The following TRPM1 variants were observed in gnomAD, a reference collection of about 807,000 sequenced individuals.
TRPM1 encodes transient receptor potential cation channel subfamily M member 1, also known as TRPM1-203 APA Isoform, Intron 10.
Under a neutral mutation model 149.4 loss-of-function variants are expected in TRPM1, and 113 were observed. That is an observed-to-expected ratio of 0.76 (90% CI 0.65 to 0.88). TRPM1 has a LOEUF of 0.88. Ranked by LOEUF, TRPM1 falls within the 40% of genes least tolerant of loss-of-function variation. The pLI, the probability that TRPM1 is intolerant of heterozygous loss-of-function variation, is 0.00. For missense variants in TRPM1, 1,976 were observed against 2,038.7 expected, an observed-to-expected ratio of 0.97 and a Z score of 0.59; for synonymous variants, 741 against 759.5, an observed-to-expected ratio of 0.98 and a Z score of 0.40.
At chr15:31,030,871 G>T in intron 23 of TRPM1, 112 bp downstream of exon 23, 1 of 1,239,138 alleles carries the variant, frequency 8.1e-7, no homozygotes, top group Non-Finnish European at 1.2e-6. Context: ...GCCTATGGTG[G>T]AGTGACAAAT....
chr15:31,019,968 C>T (rs1231168700), intron 27 of TRPM1, among the ~76,000 whole-genome samples: 1 of 152,100 alleles, frequency 6.6e-6, no homozygotes, highest in Non-Finnish European at 1.5e-5. Context: ...TGCTCCCGGC[C>T]AAGACTCATG....
At chr15:31,112,870 C>T (rs746212598) in intron 1 of TRPM1, among the ~76,000 whole-genome samples, 1 of 152,156 alleles carries the variant, frequency 6.6e-6, no homozygotes, top group Non-Finnish European at 1.5e-5. Context: ...TTCTTGTAAC[C>T]CAGCATTCCT....
chr15:31,129,609 A>G (rs1354349327), intron 1 of TRPM1, among the ~76,000 whole-genome samples: 2 of 152,246 alleles, frequency 1.3e-5, no homozygotes, highest in East Asian at 3.8e-4. Flanking sequence ...ACCATTGCTT[A>G]GAATGGTCTT....
intron 22 of TRPM1, among the ~76,000 whole-genome samples, chr15:31,032,299 A>G (rs1485980033): frequency 3.9e-5 from 6 of 152,146 alleles, no homozygotes; most frequent in Non-Finnish European, 8.8e-5. Context: ...GGAATAAAAA[A>G]CAAACGTAAT....
At chr15:31,047,506 C>G (rs2033812080) in intron 14 of TRPM1, among the ~76,000 whole-genome samples, 2 of 152,238 alleles carry the variant, frequency 1.3e-5, no homozygotes, top group African/African-American at 4.8e-5. Flanking sequence ...GCCGGTGCTT[C>G]TGGAAAGAGC....
chr15:31,089,084 TAAA>T (rs1045403944), intron 1 of TRPM1, among the ~76,000 whole-genome samples: 5 of 152,208 alleles, frequency 3.3e-5, no homozygotes, highest in African/African-American at 7.2e-5. Context: ...GCCATATTTT[TAAA>T]AAACAAAAAT....
At chr15:31,112,641 G>C (rs764206780) in intron 1 of TRPM1, among the ~76,000 whole-genome samples, 28 of 152,026 alleles carry the variant, frequency 1.8e-4, no homozygotes, top group Non-Finnish European at 3.5e-4. Flanking sequence ...CCACTTTGAG[G>C]GGTTCCTGAT....
intron 1 of TRPM1, among the ~76,000 whole-genome samples, chr15:31,125,590 C>T (rs932839424): frequency 2.0e-5 from 3 of 148,482 alleles, no homozygotes; most frequent in Admixed American, 1.3e-4. Context: ...ATTAGCCGGG[C>T]GTAGTGGCGG....
intron 1 of TRPM1, among the ~76,000 whole-genome samples, chr15:31,145,322 AAGACTCCAT>A (rs1567078758): frequency 6.6e-6 from 1 of 152,208 alleles, no homozygotes; most frequent in Non-Finnish European, 1.5e-5. Context: ...ATGGCAGAAG[AAGACTCCAT>A]GTCATAATGA....
Position 31,008,069 on chromosome 15 carries a change from C to T in TRPM1, c.3630-4999G>A, listed in dbSNP as rs147684119. ...TTAAATTCACTTATTAATTCTAGGA[C>T]GTTTTCATTTGTTTCATTTTGTTTT... On this transcript the variant is annotated intron_variant, in intron 27 of 27. Transcript: ENST00000256552. Among the ~76,000 whole-genome samples the T allele has an allele frequency of 5.1e-3, 772 of 152,156 alleles. 1 individual carries two copies. Among genetic ancestry groups the T allele is most frequent in the South Asian group, 0.01 (49 of 4,826 alleles).
At chr15:31,105,510 C>T (rs1204220214), upstream of TRPM1, among the ~76,000 whole-genome samples, 1 of 151,972 alleles carries the variant, frequency 6.6e-6, no homozygotes, top group Non-Finnish European at 1.5e-5. Flanking sequence ...GAAAATGCAT[C>T]ATGATAATTT....
At chr15:31,086,846 A>AAATATATT (rs1314593094) in intron 1 of TRPM1, among the ~76,000 whole-genome samples, 1 of 152,230 alleles carries the variant, frequency 6.6e-6, no homozygotes, top group Non-Finnish European at 1.5e-5. Flanking sequence ...TTAATATTTA[A>AAATATATT]AATATATTAA....
intron 27 of TRPM1, among the ~76,000 whole-genome samples, chr15:31,012,503 T>A (rs2032221118): frequency 6.6e-6 from 1 of 152,218 alleles, no homozygotes; most frequent in Non-Finnish European, 1.5e-5. Context: ...AAGCATCCTT[T>A]CCATGTGATG....
intron 11 of TRPM1, among the ~76,000 whole-genome samples, chr15:31,057,304 C>T (rs987414248): frequency 6.6e-6 from 1 of 152,144 alleles, no homozygotes; most frequent in African/African-American, 2.4e-5. Flanking sequence ...AAACCAAATG[C>T]TGCATATTCT....
At position 31,157,159 on chromosome 15, in the gene TRPM1, C is replaced by T. The variant is rs535132819; in HGVS notation, c.54+3747G>A. Among the ~76,000 whole-genome samples, 17 of 152,250 alleles carry T rather than the reference C, an allele frequency of 1.1e-4. No homozygotes were observed. In the South Asian group the frequency reaches 2.3e-3, roughly 20 times the overall value. On this transcript the variant is annotated intron_variant, in intron 1 of 26. Transcript: ENST00000542188. ...AACTCCTGGACTCAAGCAATCTGCC[C>T]GCTTTGGCCTCCCAAAGTGCTGGGA...
In TRPM1 at chr15:31,094,643, G is replaced by C. The variant is rs1000488458; in HGVS notation, c.-84+7014C>G. Among the ~76,000 whole-genome samples the C allele has an allele frequency of 2.0e-5, 3 of 152,294 alleles. No homozygotes were observed. In the East Asian group the frequency reaches 5.8e-4, roughly 29 times the overall value. On this transcript the variant is annotated intron_variant, in intron 1 of 27. Transcript: ENST00000256552. ...CAACATCTTTAGACATTAGGGAAAAGCAAATCAAAACCATGATGAGGTGCC... is the reference window on the plus strand; with the variant it reads ...CAACATCTTTAGACATTAGGGAAAACCAAATCAAAACCATGATGAGGTGCC...
At chr15:31,052,001 G>A (rs972101571) in intron 11 of TRPM1, among the ~76,000 whole-genome samples, 1 of 152,182 alleles carries the variant, frequency 6.6e-6, no homozygotes, top group Non-Finnish European at 1.5e-5. Context: ...GTGCAGCCAT[G>A]TTTAATGCTA....
At chr15:31,123,297 G>A (rs775452686) in intron 1 of TRPM1, among the ~76,000 whole-genome samples, 7 of 152,160 alleles carry the variant, frequency 4.6e-5, no homozygotes, top group Non-Finnish European at 1.0e-4. Flanking sequence ...CAGATGCAAT[G>A]TCAAAAGAAT....
intron 1 of TRPM1, among the ~76,000 whole-genome samples, chr15:31,113,556 T>C (rs2338858): frequency 0.59 from 90,064 of 151,942 alleles, 26,959 homozygotes; most frequent in East Asian, 0.74. Context: ...CTAAAATGTT[T>C]TTTTTTAACT....
Sources: gnomAD v4.1 joint callset for allele counts (sites outside exome capture counted in the v4.1 genomes callset) on GRCh38, gnomAD v4.1.1 for gene constraint, MANE v1.5 for transcripts, NCBI Gene and HGNC (gene_info 2026-07-23, HGNC 2026-07-21) for gene names.